Variants in SLC4A10 observed in about 807,000 individuals in gnomAD.
The protein encoded by SLC4A10 is solute carrier family 4 member 10, also known as sodium-driven chloride bicarbonate exchanger.
In SLC4A10, 42 loss-of-function variants were observed where a neutral mutation model predicts 137.7. The observed-to-expected ratio is 0.30, with a 90% confidence interval of 0.24 to 0.39. The LOEUF is 0.39. Ranked by LOEUF, SLC4A10 falls within the 10% of genes least tolerant of loss-of-function variation. The pLI is 1.00. For synonymous variants in SLC4A10, 474 were observed against 464.1 expected (o/e 1.02, Z -0.27); for missense variants, 925 against 1,355.0 (o/e 0.68, Z 4.98).
chr2:161,691,313 TG>T (rs1232256183), intron 1 of SLC4A10, among the ~76,000 whole-genome samples: 3 of 30,226 alleles, frequency 9.9e-5, no homozygotes, highest in African/African-American at 4.2e-4. Context: ...TATCAGAGGC[TG>T]GGAAGGGTAG....
At chr2:161,736,845 GTAT>G (rs1253875614) in intron 1 of SLC4A10, among the ~76,000 whole-genome samples, 3 of 151,916 alleles carry the variant, frequency 2.0e-5, no homozygotes, top group Non-Finnish European at 4.4e-5. Context: ...ATAAATGGAA[GTAT>G]TATTATTATT....
At chr2:161,973,772 G>T (rs555205925) in intron 23 of SLC4A10, among the ~76,000 whole-genome samples, 152 of 152,270 alleles carry the variant, frequency 1.0e-3, no homozygotes, top group African/African-American at 3.5e-3. Context: ...CAGACCTATG[G>T]AGTCAGAACT....
intron 2 of SLC4A10, among the ~76,000 whole-genome samples, chr2:161,778,237 A>G (rs553409595): frequency 9.9e-5 from 15 of 152,064 alleles, no homozygotes; most frequent in African/African-American, 3.6e-4. Flanking sequence ...CTACACAAAA[A>G]TAGAATGCTC....
At chr2:161,684,021 G>T (rs972389154) in intron 1 of SLC4A10, among the ~76,000 whole-genome samples, 2 of 152,142 alleles carry the variant, frequency 1.3e-5, no homozygotes, top group African/African-American at 2.4e-5. Context: ...AACTCCGTGT[G>T]TATTAAACAA....
chr2:161,734,196 C>T (rs1361327866), intron 1 of SLC4A10, among the ~76,000 whole-genome samples: 2 of 151,938 alleles, frequency 1.3e-5, no homozygotes, highest in Non-Finnish European at 2.9e-5. Flanking sequence ...TTTGGAGGGG[C>T]CAGGGGTGGA....
intron 21 of SLC4A10, among the ~76,000 whole-genome samples, chr2:161,960,393 G>T (rs1182511636): frequency 1.3e-5 from 2 of 149,936 alleles, no homozygotes; most frequent in African/African-American, 4.9e-5. Context: ...AAAAGAAGAG[G>T]GGAGAACACA....
chr2:161,655,204 T>C (rs1355086142), intron 1 of SLC4A10, among the ~76,000 whole-genome samples: 1 of 152,162 alleles, frequency 6.6e-6, no homozygotes, highest in Non-Finnish European at 1.5e-5. Context: ...ACAAATAATT[T>C]TTGTATGTTG....
chr2:161,701,144 A>G (rs1574441469), intron 1 of SLC4A10, among the ~76,000 whole-genome samples: 1 of 152,170 alleles, frequency 6.6e-6, no homozygotes, highest in South Asian at 2.1e-4. Flanking sequence ...TCCCAAGGGC[A>G]AAACCAGGAT....
At chr2:161,971,724 T>A (rs1300295376) in intron 23 of SLC4A10, among the ~76,000 whole-genome samples, 2 of 152,124 alleles carry the variant, frequency 1.3e-5, no homozygotes, top group African/African-American at 4.8e-5. Flanking sequence ...CGGCCCTCCA[T>A]CCCCGCGCTC....
intron 18 of SLC4A10, 49 bp downstream of exon 18, chr2:161,949,310 A>C: frequency 3.4e-6 from 4 of 1,174,716 alleles, no homozygotes; most frequent in Non-Finnish European, 5.1e-6. Flanking sequence ...TCTAATCTTC[A>C]TTTAGATGAT....
chr2:161,893,573 C>A (rs1248193615), intron 10 of SLC4A10, among the ~76,000 whole-genome samples: 2 of 151,896 alleles, frequency 1.3e-5, no homozygotes, highest in Non-Finnish European at 2.9e-5. Context: ...GTGGTACACA[C>A]CTGTAGTCCC....
At chr2:161,833,192 T>C (rs1250389074) in intron 3 of SLC4A10, among the ~76,000 whole-genome samples, 1 of 152,186 alleles carries the variant, frequency 6.6e-6, no homozygotes, top group Non-Finnish European at 1.5e-5. Context: ...TCATGGAATG[T>C]TGGTAATAGA....
Position 161,872,323 on chromosome 2 carries a change from C to G in SLC4A10, c.797C>G (p.Pro266Arg). The change falls in exon 7 of 27, where the codon CCA becomes CGA. Residue 266 changes from proline to arginine, a missense_variant. Physicochemically the swap from Pro to Arg is moderately radical, Grantham distance 103 (BLOSUM62 -2). Around this residue, in one of 11 missense-constraint regions of SLC4A10, gnomAD observed 277 missense variants for 306.1 expected, o/e 0.90. Coordinates refer to ENST00000446997, the MANE Select transcript of SLC4A10 (RefSeq NM_001178015.2). The part of the protein sequence containing the change: ...AGQVVSPQSA[P>R]ACVENKNDVS... The stretch of plus-strand genomic sequence containing the variant: ...CAGGTTGTTTCTCCTCAGTCTGCTC[C>G]AGCCTGTGTTGAAAATAAAAATGAT... The G allele has an allele frequency of 6.2e-7, 1 of 1,613,550 alleles. No homozygotes were observed. Among genetic ancestry groups the G allele is most frequent in the African/African-American group, 1.3e-5 (1 of 74,986 alleles).
At chr2:161,909,329 G>GT (rs1339455597) in intron 15 of SLC4A10, among the ~76,000 whole-genome samples, 2 of 152,142 alleles carry the variant, frequency 1.3e-5, no homozygotes, top group African/African-American at 4.8e-5. Flanking sequence ...GATCCCGCAT[G>GT]TTTAAGTTTT....
intron 1 of SLC4A10, among the ~76,000 whole-genome samples, chr2:161,743,370 G>A (rs2048103874): frequency 6.6e-6 from 1 of 152,082 alleles, no homozygotes; most frequent in African/African-American, 2.4e-5. Flanking sequence ...ATTTATTGAA[G>A]AGACTGTCCT....
At chr2:161,678,758 T>C (rs2040533388) in intron 1 of SLC4A10, among the ~76,000 whole-genome samples, 1 of 152,204 alleles carries the variant, frequency 6.6e-6, no homozygotes, top group Non-Finnish European at 1.5e-5. Flanking sequence ...CATATCATTA[T>C]GTCTGTGATA....
chr2:161,944,628 A>G (rs1021716094), intron 16 of SLC4A10, among the ~76,000 whole-genome samples: 6 of 151,500 alleles, frequency 4.0e-5, no homozygotes, highest in South Asian at 2.1e-4. Context: ...AAAGTTTTGT[A>G]CTAGGTGTTA....
At chr2:161,644,273 G>A (rs2035708806) in intron 1 of SLC4A10, among the ~76,000 whole-genome samples, 1 of 152,088 alleles carries the variant, frequency 6.6e-6, no homozygotes, top group African/African-American at 2.4e-5. Context: ...GAGGTGAGAA[G>A]ATCGCTTGAG....
chr2:161,913,940 GTCAT>G (rs1559522461), intron 15 of SLC4A10, among the ~76,000 whole-genome samples: 1 of 152,108 alleles, frequency 6.6e-6, no homozygotes, highest in Non-Finnish European at 1.5e-5. Flanking sequence ...TGATACATTA[GTCAT>G]TCATTCATCT....
Sources: allele counts gnomAD v4.1 joint callset (sites outside exome capture counted in the v4.1 genomes callset), GRCh38; gene constraint gnomAD v4.1.1; regional missense constraint gnomAD v4.1.1; transcripts MANE v1.5; gene names NCBI Gene and HGNC (gene_info 2026-07-23, HGNC 2026-07-21).